The following DCLK1 variants were observed in gnomAD, a reference collection of about 807,000 sequenced individuals.
The protein encoded by DCLK1 is serine/threonine-protein kinase DCLK1.
A neutral mutation model predicts 86.2 loss-of-function variants in DCLK1; 16 were observed. That is an observed-to-expected ratio of 0.19 (90% CI 0.13 to 0.28). DCLK1 has a LOEUF of 0.28. Ranked by LOEUF, DCLK1 falls within the 10% of genes least tolerant of loss-of-function variation. DCLK1 has a pLI of 1.00. For missense variants in DCLK1, 590 were observed against 940.2 expected (o/e 0.63, Z 4.87); for synonymous variants, 369 against 370.5 (o/e 1.00, Z 0.05).
intron 3 of DCLK1, among the ~76,000 whole-genome samples, chr13:36,075,881 C>T (rs1884189125): frequency 1.3e-5 from 2 of 151,920 alleles, no homozygotes; most frequent in Admixed American, 6.6e-5. Context: ...AAAAATTAGC[C>T]GAACACAGTG....
intron 3 of DCLK1, among the ~76,000 whole-genome samples, chr13:36,101,708 A>G (rs1242241676): frequency 6.6e-6 from 1 of 151,438 alleles, no homozygotes; most frequent in Non-Finnish European, 1.5e-5. Context: ...CTGTCCCGGG[A>G]CCACTCTTGG....
At chr13:35,833,435 A>G (rs528389231) in intron 8 of DCLK1, among the ~76,000 whole-genome samples, 1 of 152,238 alleles carries the variant, frequency 6.6e-6, no homozygotes, top group Admixed American at 6.5e-5. Flanking sequence ...AACAGCTTCA[A>G]AGTAGAGCAT....
At chr13:36,082,017 A>G (rs1249604738) in intron 3 of DCLK1, among the ~76,000 whole-genome samples, 1 of 152,192 alleles carries the variant, frequency 6.6e-6, no homozygotes, top group African/African-American at 2.4e-5. Context: ...AGATAACCTT[A>G]TCTCCAGCCT....
At chr13:35,992,671 G>A (rs1381212172) in intron 3 of DCLK1, among the ~76,000 whole-genome samples, 1 of 152,094 alleles carries the variant, frequency 6.6e-6, no homozygotes, top group Non-Finnish European at 1.5e-5. Context: ...TGACCAGTAT[G>A]ATCATATGTT....
chr13:35,861,163 C>T (rs984831397), intron 5 of DCLK1, among the ~76,000 whole-genome samples: 1 of 152,104 alleles, frequency 6.6e-6, no homozygotes, highest in Non-Finnish European at 1.5e-5. Flanking sequence ...GCAATGGCAT[C>T]ACCATAGGGA....
intron 3 of DCLK1, among the ~76,000 whole-genome samples, chr13:36,060,325 C>T (rs975969994): frequency 5.3e-5 from 8 of 152,258 alleles, no homozygotes; most frequent in East Asian, 3.9e-4. Flanking sequence ...CTCAGTACTA[C>T]GTCACTCTTT....
At chr13:35,945,213 A>T (rs1316253690) in intron 4 of DCLK1, among the ~76,000 whole-genome samples, 2 of 152,150 alleles carry the variant, frequency 1.3e-5, no homozygotes, top group African/African-American at 2.4e-5. Flanking sequence ...GGGCATTGAG[A>T]AATAATTCTA....
chr13:36,126,330 A>G (rs1430033768), intron 1 of DCLK1, among the ~76,000 whole-genome samples, 174 bp from the exon 2 acceptor site: 1 of 152,128 alleles, frequency 6.6e-6, no homozygotes, highest in Non-Finnish European at 1.5e-5. Flanking sequence ...CCTGGGCTCA[A>G]ATGATCCTCC....
At chr13:35,848,334 T>C in intron 6 of DCLK1, 1 of 985,086 alleles carries the variant, frequency 1.0e-6, no homozygotes, top group Non-Finnish European at 1.2e-6. Context: ...TTATTTCTGC[T>C]TTAGTTTAAT....
At chr13:35,794,712 G>A (rs1020836969) in intron 15 of DCLK1, among the ~76,000 whole-genome samples, 7 of 152,314 alleles carry the variant, frequency 4.6e-5, no homozygotes, top group Middle Eastern at 3.4e-3. Context: ...TGGGTCTAAC[G>A]GGCCTGTTCC....
At chr13:35,958,250 CACT>C (rs1282540632) in intron 3 of DCLK1, among the ~76,000 whole-genome samples, 14 of 108,360 alleles carry the variant, frequency 1.3e-4, no homozygotes, top group East Asian at 9.2e-4. Flanking sequence ...TCACCACCAC[CACT>C]ACCACTACTA....
chr13:36,103,404 T>TAAAAAAAAAA (rs71084406), intron 3 of DCLK1, among the ~76,000 whole-genome samples: 1 of 109,094 alleles, frequency 9.2e-6, no homozygotes, highest in African/African-American at 3.5e-5. Flanking sequence ...ACACCTGTCT[T>TAAAAAAAAAA]AAAAAAAAAA....
intron 16 of DCLK1, among the ~76,000 whole-genome samples, chr13:35,782,364 A>G (rs2153097924): frequency 6.6e-6 from 1 of 152,200 alleles, no homozygotes; most frequent in Middle Eastern, 3.4e-3. Context: ...TAGGAGCCCA[A>G]CCTCAGCGGA....
chr13:36,105,282 TAGTG>T (rs34130670), intron 3 of DCLK1, among the ~76,000 whole-genome samples: 49,736 of 151,804 alleles, frequency 0.33, 9,051 homozygotes, highest in East Asian at 0.51. Context: ...TAATTTAAAA[TAGTG>T]AGTCCCTTTG....
intron 3 of DCLK1, among the ~76,000 whole-genome samples, chr13:36,043,313 C>A (rs931797471): frequency 2.0e-5 from 3 of 151,410 alleles, no homozygotes; most frequent in Non-Finnish European, 4.4e-5. Flanking sequence ...ACTTTTAAAG[C>A]TCCTAGAAAT....
intron 4 of DCLK1, among the ~76,000 whole-genome samples, chr13:35,928,476 T>C (rs569238236): frequency 6.8e-4 from 103 of 152,288 alleles, no homozygotes; most frequent in African/African-American, 2.4e-3. Flanking sequence ...TCCTGAAGTC[T>C]TGCCCCCTGC....
intron 2 of DCLK1, among the ~76,000 whole-genome samples, chr13:36,119,008 C>A (rs1326801888): frequency 1.3e-5 from 2 of 152,166 alleles, no homozygotes; most frequent in African/African-American, 4.8e-5. Flanking sequence ...AAAAGCCCTA[C>A]CCCTTAATAC....
chr13:35,913,839 T>C (rs901993714), intron 4 of DCLK1, among the ~76,000 whole-genome samples: 3 of 152,140 alleles, frequency 2.0e-5, no homozygotes, highest in African/African-American at 7.2e-5. Flanking sequence ...AAAAATTCAA[T>C]GACTAGAACT....
intron 16 of DCLK1, among the ~76,000 whole-genome samples, chr13:35,778,034 A>G (rs2086455991): frequency 1.3e-5 from 2 of 152,232 alleles, no homozygotes; most frequent in Admixed American, 6.5e-5. Flanking sequence ...CACAGCACAC[A>G]GTAGATATTC....
Sources: allele counts gnomAD v4.1 joint callset (sites outside exome capture counted in the v4.1 genomes callset), GRCh38; gene constraint gnomAD v4.1.1; transcripts MANE v1.5; gene names NCBI Gene and HGNC (gene_info 2026-07-23, HGNC 2026-07-21).